The following EFCAB6 variants were observed in gnomAD, a reference collection of about 807,000 sequenced individuals.
EFCAB6 encodes the protein EF-hand calcium-binding domain-containing protein 6.
EFCAB6 carries 156 observed loss-of-function variants against 169.8 expected under a neutral mutation model. The observed-to-expected ratio is 0.92, with a 90% CI of 0.81 to 1.05. EFCAB6 has a LOEUF of 1.05. Among genes scored for constraint, EFCAB6 ranks in the 50% least tolerant of loss-of-function variants. The probability of loss-of-function intolerance (pLI) is 0.00; values close to 1 mark genes in which losing one functional copy is unlikely to be tolerated. For synonymous variants in EFCAB6, 698 were observed against 676.4 expected, an observed-to-expected ratio of 1.03 and a Z score of -0.50; for missense variants, 1,800 against 1,829.1, an observed-to-expected ratio of 0.98 and a Z score of 0.29.
chr22:43,700,361 C>T (rs954323683), intron 10 of EFCAB6, among the ~76,000 whole-genome samples: 1 of 152,148 alleles, frequency 6.6e-6, no homozygotes, highest in Admixed American at 6.6e-5. Context: ...AGAATAGGCA[C>T]TCTCAAATCA....
chr22:43,662,717 A>G (rs1410985695), intron 17 of EFCAB6, among the ~76,000 whole-genome samples: 1 of 152,234 alleles, frequency 6.6e-6, no homozygotes, highest in African/African-American at 2.4e-5. Flanking sequence ...GAGGCCAGCT[A>G]CTACCTTGAA....
chr22:43,736,657 G>C (rs1039279530), intron 6 of EFCAB6, among the ~76,000 whole-genome samples: 2 of 151,976 alleles, frequency 1.3e-5, no homozygotes, highest in African/African-American at 4.8e-5. Flanking sequence ...CACAATGTTA[G>C]GATAGACCCT....
chr22:43,729,202 T>C (rs1189512167), intron 8 of EFCAB6, among the ~76,000 whole-genome samples: 1 of 152,212 alleles, frequency 6.6e-6, no homozygotes, highest in Admixed American at 6.5e-5. Context: ...ATGAGGAATC[T>C]ACCCCAATGA....
chr22:43,598,323 A>ACAAAC (rs1569223105), intron 23 of EFCAB6, among the ~76,000 whole-genome samples: 1 of 138,108 alleles, frequency 7.2e-6, no homozygotes, highest in Admixed American at 7.8e-5. Context: ...AAAAAAAAAA[A>ACAAAC]AAAAAAAAAA....
intron 12 of EFCAB6, 33 bp from the exon 13 acceptor site, chr22:43,678,196 GA>G (rs34240326): frequency 0.13 from 143,835 of 1,150,402 alleles, 227 homozygotes; most frequent in Non-Finnish European, 0.13. Context: ...GGGAATTTTT[GA>G]AAAAAAAAAA....
At chr22:43,728,668 T>G (rs2059825265) in intron 8 of EFCAB6, among the ~76,000 whole-genome samples, 1 of 152,238 alleles carries the variant, frequency 6.6e-6, no homozygotes, top group African/African-American at 2.4e-5. Flanking sequence ...ACCAGAGATG[T>G]TGAGCTTTTT....
At chr22:43,731,858 T>G (rs910923420) in intron 7 of EFCAB6, 47 bp from the exon 8 acceptor site, 4 of 1,270,218 alleles carry the variant, frequency 3.1e-6, no homozygotes, top group Non-Finnish European at 4.3e-6. Context: ...GAATCTAAAA[T>G]GAAGCAAGTT....
intron 6 of EFCAB6, among the ~76,000 whole-genome samples, chr22:43,741,451 C>T (rs565398808): frequency 6.6e-6 from 1 of 152,324 alleles, no homozygotes; most frequent in South Asian, 2.1e-4. Context: ...CCGCTGAGGC[C>T]TTCCTCACTC....
At chr22:43,675,458 GATATA>G (rs2057706948) in intron 13 of EFCAB6, among the ~76,000 whole-genome samples, 2 of 128,394 alleles carry the variant, frequency 1.6e-5, no homozygotes, top group Middle Eastern at 7.4e-3. Flanking sequence ...TATAATATAT[GATATA>G]ATATATAATA....
At chr22:43,656,672 T>C (rs9614252) in intron 17 of EFCAB6, among the ~76,000 whole-genome samples, 41,935 of 151,832 alleles carry the variant, frequency 0.28, 6,925 homozygotes, top group East Asian at 0.64. Flanking sequence ...CTGAAAGCAA[T>C]AGGTTATACC....
At chr22:43,598,233 G>GA (rs943481271) in intron 23 of EFCAB6, among the ~76,000 whole-genome samples, 2 of 133,638 alleles carry the variant, frequency 1.5e-5, no homozygotes, top group Admixed American at 1.7e-4. Context: ...CCTGAGCCTG[G>GA]AAAGTTGAGG....
intron 24 of EFCAB6, among the ~76,000 whole-genome samples, chr22:43,588,569 T>C (rs2051235951): frequency 6.6e-6 from 1 of 152,148 alleles, no homozygotes; most frequent in Non-Finnish European, 1.5e-5. Flanking sequence ...ATTTAAAATA[T>C]GTGAGAGAAC....
intron 27 of EFCAB6, among the ~76,000 whole-genome samples, chr22:43,543,747 C>T (rs2047883656): frequency 6.6e-6 from 1 of 152,104 alleles, no homozygotes; most frequent in Non-Finnish European, 1.5e-5. Flanking sequence ...GATGCCTCCA[C>T]CCCGTCAGGA....
intron 17 of EFCAB6, among the ~76,000 whole-genome samples, chr22:43,650,217 A>G (rs1037925331): frequency 3.9e-5 from 6 of 152,314 alleles, no homozygotes; most frequent in African/African-American, 1.4e-4. Context: ...CCCAAATCTC[A>G]TCTTGAATTC....
At chr22:43,591,129 T>G (rs1240732355) in intron 23 of EFCAB6, among the ~76,000 whole-genome samples, 1 of 150,564 alleles carries the variant, frequency 6.6e-6, no homozygotes, top group African/African-American at 2.5e-5. Flanking sequence ...TTTTTGTTTT[T>G]TTTTTGTTTT....
intron 6 of EFCAB6, among the ~76,000 whole-genome samples, chr22:43,753,665 G>A (rs1351141720): frequency 2.0e-5 from 3 of 152,176 alleles, no homozygotes; most frequent in Admixed American, 2.0e-4. Context: ...GTGAAGAAGA[G>A]AGAGGCTGAC....
rs201681425 is a variant in EFCAB6, at chr22:43,537,583, G to A, written c.3880-38C>T. On this transcript the variant is annotated intron_variant, in intron 28 of 31. Transcript: ENST00000262726. This position sits in a 1 kb window ranked among gnomAD's most constrained non-coding sequence, Gnocchi z 4.3. ...AAAAGAAAAGGCTCTTTTCACTTAA[G>A]ATTTAAAACGGAAGTCATCAAAAAT... 1 of 1,567,238 alleles carries A rather than the reference G, an allele frequency of 6.4e-7. No homozygotes were observed. The highest frequency in any genetic ancestry group is 1.4e-5 in the African/African-American group (1 of 73,466).
chr22:43,773,511 T>G (rs2061545433), intron 3 of EFCAB6, among the ~76,000 whole-genome samples: 1 of 152,222 alleles, frequency 6.6e-6, no homozygotes, highest in Non-Finnish European at 1.5e-5. Context: ...ACCATTTCCC[T>G]TTCAAAGACA....
intron 21 of EFCAB6, among the ~76,000 whole-genome samples, chr22:43,615,226 C>A (rs189366128): frequency 6.6e-6 from 1 of 152,274 alleles, no homozygotes. Flanking sequence ...TGATCTCCAG[C>A]CTAGATTTCA....
Sources: allele counts gnomAD v4.1 joint callset (sites outside exome capture counted in the v4.1 genomes callset), GRCh38; gene constraint gnomAD v4.1.1; non-coding constraint Gnocchi (gnomAD v3.1); transcripts MANE v1.5; gene names NCBI Gene and HGNC (gene_info 2026-07-23, HGNC 2026-07-21).